Variants in KAT6A observed in about 807,000 individuals in gnomAD.
KAT6A encodes the protein histone acetyltransferase KAT6A.
A neutral mutation model predicts 198.4 loss-of-function variants in KAT6A; 9 were observed. That is an observed-to-expected ratio of 0.05 (90% CI 0.03 to 0.08). The LOEUF (loss-of-function observed/expected upper bound fraction) is 0.08, where lower values mean the gene tolerates loss of function less well. Among genes scored for constraint, KAT6A ranks in the 10% least tolerant of loss-of-function variants. KAT6A has a pLI of 1.00. For missense variants in KAT6A, 2,077 were observed against 2,509.9 expected, an observed-to-expected ratio of 0.83 and a Z score of 3.69; for synonymous variants, 890 against 883.0, an observed-to-expected ratio of 1.01 and a Z score of -0.14.
intron 6 of KAT6A, among the ~76,000 whole-genome samples, 187 bp downstream of exon 6, chr8:41,978,455 A>G (rs971831316): frequency 3.3e-5 from 5 of 152,234 alleles, no homozygotes; most frequent in Admixed American, 6.5e-5. Context: ...AAACAATTCA[A>G]TGCATATAAA....
At chr8:42,005,909 C>T (rs1037224231) in intron 2 of KAT6A, among the ~76,000 whole-genome samples, 1 of 152,164 alleles carries the variant, frequency 6.6e-6, no homozygotes, top group Non-Finnish European at 1.5e-5. Context: ...AGCAATGACT[C>T]CCTTCTGAAA....
chr8:42,042,372 C>T (rs1587861630), intron 2 of KAT6A, among the ~76,000 whole-genome samples: 1 of 151,702 alleles, frequency 6.6e-6, no homozygotes, highest in South Asian at 2.1e-4. Flanking sequence ...GCAGGAGAAT[C>T]GCTTGAACCC....
intron 2 of KAT6A, among the ~76,000 whole-genome samples, chr8:41,992,580 G>C (rs562259663): frequency 6.6e-6 from 1 of 152,184 alleles, no homozygotes; most frequent in South Asian, 2.1e-4. Flanking sequence ...CTCCTCGAGG[G>C]ATATGTACAC....
intron 2 of KAT6A, among the ~76,000 whole-genome samples, chr8:42,040,689 C>T (rs981552974): frequency 1.2e-4 from 15 of 126,746 alleles, no homozygotes; most frequent in South Asian, 2.6e-4. Context: ...GAGCCGAGAT[C>T]GCACCATTGC....
chr8:41,991,724 C>G (rs1824955645), intron 2 of KAT6A, among the ~76,000 whole-genome samples: 1 of 152,040 alleles, frequency 6.6e-6, no homozygotes, highest in African/African-American at 2.4e-5. Flanking sequence ...ACTTAGGAAA[C>G]AGGCTGAAGA....
chr8:42,009,990 G>GA lies in KAT6A; in HGVS notation c.601-22428dup, dbSNP rs369767917. 7.3e-3 allele frequency among the ~76,000 whole-genome samples: 1,071 copies of GA among 147,156 alleles called. 5 individuals are homozygous for GA. The highest frequency in any genetic ancestry group is 0.012 in the Non-Finnish European group (826 of 66,682). On this transcript the variant is annotated intron_variant, in intron 2 of 16. Transcript: ENST00000265713. ...AGAAAAAGTACAGATTTACCCAACA[G>GA]AAAAAAATAAATAAATAAATAAAAC...
chr8:41,966,406 A>T (rs889375657), intron 8 of KAT6A, among the ~76,000 whole-genome samples: 1 of 152,148 alleles, frequency 6.6e-6, no homozygotes, highest in Non-Finnish European at 1.5e-5. Flanking sequence ...ACATTCATGT[A>T]ACACAATACA....
chr8:41,949,468 G>T, intron 9 of KAT6A, 105 bp from the exon 10 acceptor site: 1 of 749,924 alleles, frequency 1.3e-6, no homozygotes. Context: ...CAGGTAACAG[G>T]TTAAAAAAAA....
chr8:42,033,640 C>CTT (rs1055467892), intron 2 of KAT6A, among the ~76,000 whole-genome samples: 1 of 152,150 alleles, frequency 6.6e-6, no homozygotes, highest in African/African-American at 2.4e-5. Context: ...ACTTCCCTGA[C>CTT]TTTTTCCACC....
intron 2 of KAT6A, among the ~76,000 whole-genome samples, chr8:42,038,818 A>G (rs1208177782): frequency 6.6e-6 from 1 of 152,238 alleles, no homozygotes; most frequent in Non-Finnish European, 1.5e-5. Context: ...AGCCAGACTT[A>G]CTTTTCCTTA....
intron 8 of KAT6A, among the ~76,000 whole-genome samples, chr8:41,972,109 G>T (rs1238648829): frequency 6.6e-6 from 1 of 151,908 alleles, no homozygotes; most frequent in African/African-American, 2.4e-5. Context: ...GCCTAAATTT[G>T]GAACAATTTA....
chr8:41,948,852 G>C (rs568037207), intron 10 of KAT6A, among the ~76,000 whole-genome samples: 43 of 152,188 alleles, frequency 2.8e-4, no homozygotes, highest in African/African-American at 9.9e-4. Context: ...CAGAACTGAG[G>C]ATCAAGAGCG....
At chr8:42,008,953 A>G (rs992439087) in intron 2 of KAT6A, among the ~76,000 whole-genome samples, 9 of 152,194 alleles carry the variant, frequency 5.9e-5, no homozygotes, top group Admixed American at 2.6e-4. Context: ...GAAGAGAGCA[A>G]TTTTTTACCT....
At chr8:41,981,113 T>G (rs917937817) in intron 4 of KAT6A, among the ~76,000 whole-genome samples, 186 bp from the exon 5 acceptor site, 1 of 151,644 alleles carries the variant, frequency 6.6e-6, no homozygotes, top group Non-Finnish European at 1.5e-5. Flanking sequence ...AGGTCAGGAG[T>G]TCGAGACTAG....
In KAT6A at chr8:41,934,138, T is replaced by G; in HGVS notation, c.4082A>C (p.Glu1361Ala). 5 of 1,614,118 alleles carry G rather than the reference T, an allele frequency of 3.1e-6. No individual in the cohort carries two copies. Among genetic ancestry groups the G allele is most frequent in the Non-Finnish European group, 4.2e-6 (5 of 1,180,040 alleles). The change falls in exon 17 of 17, where the codon GAA becomes GCA. Residue 1361 changes from glutamate (E) to alanine (A), a missense_variant. By Grantham distance (107) the Glu-to-Ala change is moderately radical. Around this residue, in one of 13 missense-constraint regions of KAT6A, gnomAD observed 178 missense variants for 220.8 expected, o/e 0.81. Coordinates refer to ENST00000265713, the MANE Select transcript of KAT6A (RefSeq NM_006766.5). Reference sequence around the variant, plus strand: ...GGTTTCCTCTTTATCCTTTATCTTTTCCCTACTCTTCTGCATATTAGCATC... The same window carrying G: ...GGTTTCCTCTTTATCCTTTATCTTTGCCCTACTCTTCTGCATATTAGCATC... ...FLDANMQKSR[E>A]KIKDKEETEL...
chr8:42,009,531 A>G (rs1825910240), intron 2 of KAT6A, among the ~76,000 whole-genome samples: 1 of 151,836 alleles, frequency 6.6e-6, no homozygotes, highest in South Asian at 2.1e-4. Flanking sequence ...TAATGGGTGC[A>G]TGTGGGTGCA....
intron 8 of KAT6A, among the ~76,000 whole-genome samples, chr8:41,962,122 C>T (rs1378878999): frequency 6.6e-6 from 1 of 152,106 alleles, no homozygotes; most frequent in African/African-American, 2.4e-5. Context: ...ACTGGCCATT[C>T]CTTCTCAGTT....
intron 2 of KAT6A, among the ~76,000 whole-genome samples, chr8:41,999,471 A>C (rs1168421175): frequency 6.6e-6 from 1 of 152,076 alleles, no homozygotes; most frequent in East Asian, 1.9e-4. Context: ...TCCTCCATAG[A>C]CTGACTCCCT....
intron 8 of KAT6A, among the ~76,000 whole-genome samples, chr8:41,960,136 CA>C (rs1823124260): frequency 7.8e-6 from 1 of 128,674 alleles, no homozygotes; most frequent in South Asian, 2.6e-4. Flanking sequence ...TGATGCTTAC[CA>C]GGGGTGGGGG....
Sources: gnomAD v4.1 joint callset for allele counts (sites outside exome capture counted in the v4.1 genomes callset) on GRCh38, gnomAD v4.1.1 for gene constraint, gnomAD v4.1.1 regional missense constraint, MANE v1.5 for transcripts, NCBI Gene and HGNC (gene_info 2026-07-23, HGNC 2026-07-21) for gene names.